Variants in ACOXL observed in about 807,000 individuals in gnomAD.
ACOXL encodes the protein acyl-CoA oxidase like.
A neutral mutation model predicts 71.9 loss-of-function variants in ACOXL; 70 were observed. The ratio of observed to expected loss-of-function variants is 0.97; its 90% CI spans 0.80 to 1.19. The LOEUF is 1.19. Among genes scored for constraint, ACOXL ranks in the 50% most tolerant of loss-of-function variants. ACOXL has a pLI of 0.00. For missense variants in ACOXL, 703 were observed against 736.3 expected, an observed-to-expected ratio of 0.95 and a Z score of 0.52; for synonymous variants, 253 against 281.6, an observed-to-expected ratio of 0.90 and a Z score of 1.02.
chr2:111,082,061 A>G (rs527377401), intron 16 of ACOXL, among the ~76,000 whole-genome samples: 2 of 152,352 alleles, frequency 1.3e-5, no homozygotes, highest in African/African-American at 4.8e-5. Flanking sequence ...TAAAACCATA[A>G]AAATCCTAGA....
chr2:110,930,349 A>G lies in ACOXL; in HGVS notation c.906-3140A>G, dbSNP rs138427257. On this transcript the variant is annotated intron_variant, in intron 11 of 17. Coordinates refer to ENST00000439055, the MANE Select transcript of ACOXL (RefSeq NM_001142807.4). ...CCCTTTGTTTTGGCCAATTTCTCCC[A>G]TTTGGAACAGCTGTATTTACCCAAT... Among the ~76,000 whole-genome samples, 487 of 152,288 alleles carry G rather than the reference A, an allele frequency of 3.2e-3. 6 individuals are homozygous for G. The highest frequency in any genetic ancestry group is 4.8e-3 in the South Asian group (23 of 4,828).
In ACOXL at chr2:111,049,351, G is replaced by GA. The variant is rs1453742518; in HGVS notation, c.1440+64dup. ...CAGAGCGTTTTTATTGCCCTGAGGA[G>GA]AGTTTCATTTTTACAAGCGGGAGTA... On this transcript the variant is annotated intron_variant, in intron 16 of 17. Coordinates refer to ENST00000439055, the MANE Select transcript of ACOXL (RefSeq NM_001142807.4). The GA allele has an allele frequency of 6.1e-6, 8 of 1,303,514 alleles. No individual in the cohort carries two copies. In the African/African-American group the frequency reaches 1.2e-4, roughly 19 times the overall value. The allele number at this position is 1,303,514 out of a possible 1,614,324, so 80.7% of individuals were successfully genotyped here. A position where few individuals can be genotyped will look rare whatever the true frequency, so the allele number is the denominator to read the frequency against.
intron 1 of ACOXL, among the ~76,000 whole-genome samples, chr2:110,754,442 T>A (rs1679409963): frequency 6.6e-6 from 1 of 152,110 alleles, no homozygotes; most frequent in South Asian, 2.1e-4. Context: ...GCACACAACA[T>A]CACAAAGAAA....
At chr2:110,936,607 G>C (rs1342610170) in intron 12 of ACOXL, among the ~76,000 whole-genome samples, 1 of 152,114 alleles carries the variant, frequency 6.6e-6, no homozygotes, top group African/African-American at 2.4e-5. Flanking sequence ...GAGTTCCCAT[G>C]ACCCTCTCCT....
rs75566728 is a variant in ACOXL at position 110,980,402 on chromosome 2, C to A, written c.1060-6706C>A. On this transcript the variant is annotated intron_variant, in intron 12 of 17. Coordinates refer to ENST00000439055, the MANE Select transcript of ACOXL (RefSeq NM_001142807.4). ...GAAAATGTGTGCAGGGGACTGATGT[C>A]ATGTGGTGCAGGTGTGTGGGATGGG... is the stretch of plus-strand genomic sequence containing the variant. Among the ~76,000 whole-genome samples, 664 of 152,264 alleles carry A rather than the reference C, an allele frequency of 4.4e-3. 24 individuals are homozygous for A. In the East Asian group the frequency reaches 0.077, roughly 18 times the overall value.
intron 12 of ACOXL, among the ~76,000 whole-genome samples, chr2:110,978,457 G>T (rs1055811204): frequency 3.3e-5 from 5 of 152,164 alleles, no homozygotes; most frequent in Non-Finnish European, 7.4e-5. Flanking sequence ...TTTACAGACC[G>T]CAGAGAAGTG....
intron 15 of ACOXL, among the ~76,000 whole-genome samples, chr2:111,040,653 G>A (rs1051597267): frequency 9.9e-5 from 15 of 152,136 alleles, no homozygotes; most frequent in South Asian, 2.1e-4. Flanking sequence ...GGGTCCACGC[G>A]GCTCCCCACG....
chr2:111,021,182 G>A (rs1450171767), intron 14 of ACOXL, among the ~76,000 whole-genome samples: 1 of 152,180 alleles, frequency 6.6e-6, no homozygotes, highest in Admixed American at 6.5e-5. Context: ...GGGTAGAGGA[G>A]TGGGCCAGTG....
intron 17 of ACOXL, among the ~76,000 whole-genome samples, chr2:111,096,725 G>C (rs927922929): frequency 6.6e-6 from 1 of 152,118 alleles, no homozygotes; most frequent in Non-Finnish European, 1.5e-5. Context: ...TTTATTGTGT[G>C]TTGGTCATTT....
At chr2:110,964,023 T>C (rs188759191) in intron 12 of ACOXL, among the ~76,000 whole-genome samples, 22 of 152,306 alleles carry the variant, frequency 1.4e-4, no homozygotes, top group African/African-American at 3.8e-4. Flanking sequence ...AAAACCCAGT[T>C]TACAAAAGAA....
intron 14 of ACOXL, among the ~76,000 whole-genome samples, chr2:111,013,080 A>G (rs1198585001): frequency 6.6e-6 from 1 of 152,204 alleles, no homozygotes; most frequent in Non-Finnish European, 1.5e-5. Context: ...CAAATTAACA[A>G]CGTCAAGAAT....
chr2:110,881,420 T>C (rs972263856), intron 10 of ACOXL, among the ~76,000 whole-genome samples: 1 of 152,188 alleles, frequency 6.6e-6, no homozygotes. Flanking sequence ...TTTTGTTAAC[T>C]CTTTTAATAT....
intron 16 of ACOXL, among the ~76,000 whole-genome samples, chr2:111,091,913 T>TGAACCACATGACTTC (rs1174419527): frequency 1.3e-5 from 2 of 152,172 alleles, no homozygotes; most frequent in Non-Finnish European, 2.9e-5. Context: ...CACATGACTG[T>TGAACCACATGACTTC]GAACCACATG....
rs185645871 is a variant in ACOXL, at chr2:110,818,266, C to T, written c.753+12871C>T. Among the ~76,000 whole-genome samples the T allele has an allele frequency of 2.6e-5, 4 of 151,432 alleles. No homozygotes were observed. In the East Asian group the frequency reaches 7.8e-4, roughly 29 times the overall value. On this transcript the variant is annotated intron_variant, in intron 9 of 17. Transcript: ENST00000439055. ...AATTAGCCTGGTGTGGTATGGCATG[C>T]GCCTATATTCCCAGCTATTTGGGAG...
At chr2:111,034,237 G>C (rs2065407846) in intron 15 of ACOXL, among the ~76,000 whole-genome samples, 1 of 152,236 alleles carries the variant, frequency 6.6e-6, no homozygotes, top group Admixed American at 6.5e-5. Context: ...ACGCTCCAAA[G>C]CTCTTGCCTT....
At chr2:111,105,220 A>T (rs1439253619) in intron 17 of ACOXL, among the ~76,000 whole-genome samples, 1 of 152,152 alleles carries the variant, frequency 6.6e-6, no homozygotes, top group Non-Finnish European at 1.5e-5. Flanking sequence ...CCAATACCAC[A>T]TGGTCTTAAT....
chr2:110,800,338 G>C (rs902182038), intron 7 of ACOXL, among the ~76,000 whole-genome samples: 1 of 152,148 alleles, frequency 6.6e-6, no homozygotes, highest in African/African-American at 2.4e-5. Flanking sequence ...TGTTAACCTG[G>C]TGTTCTCCCT....
chr2:110,805,629 G>T (rs542572956), intron 9 of ACOXL, among the ~76,000 whole-genome samples: 1 of 152,348 alleles, frequency 6.6e-6, no homozygotes, highest in African/African-American at 2.4e-5. Flanking sequence ...AATCGTGGGG[G>T]TGGAGCACAG....
intron 13 of ACOXL, among the ~76,000 whole-genome samples, chr2:110,995,592 TAACTA>T (rs2149590942): frequency 6.6e-6 from 1 of 151,310 alleles, no homozygotes; most frequent in South Asian, 2.1e-4. Context: ...ACATTGCTGT[TAACTA>T]AGAAAGACTA....
Sources: gnomAD v4.1 joint callset for allele counts (sites outside exome capture counted in the v4.1 genomes callset) on GRCh38, gnomAD v4.1.1 for gene constraint, MANE v1.5 for transcripts, NCBI Gene and HGNC (gene_info 2026-07-23, HGNC 2026-07-21) for gene names.